Variants in SCLT1 observed in about 807,000 individuals in gnomAD.
SCLT1 encodes the protein sodium channel and clathrin linker 1.
A neutral mutation model predicts 112.8 loss-of-function variants in SCLT1; 78 were observed. That is an observed-to-expected ratio of 0.69 (90% confidence interval 0.58 to 0.83). The LOEUF is 0.83. Among genes scored for constraint, SCLT1 ranks in the 40% least tolerant of loss-of-function variants. SCLT1 has a pLI of 0.00. For synonymous variants in SCLT1, 257 were observed against 254.7 expected, an observed-to-expected ratio of 1.01 and a Z score of -0.09; for missense variants, 747 against 770.4, an observed-to-expected ratio of 0.97 and a Z score of 0.36.
At chr4:128,922,513 A>T (rs1020578476) in intron 18 of SCLT1, among the ~76,000 whole-genome samples, 3 of 152,198 alleles carry the variant, frequency 2.0e-5, no homozygotes, top group Non-Finnish European at 4.4e-5. Context: ...ACACGGATGG[A>T]GTTGGAGGCC....
At chr4:129,026,282 T>C (rs760808942) in intron 5 of SCLT1, among the ~76,000 whole-genome samples, 6 of 152,112 alleles carry the variant, frequency 3.9e-5, no homozygotes, top group Non-Finnish European at 7.3e-5. Flanking sequence ...TATTCCAAAA[T>C]TGACCACATA....
downstream of SCLT1, among the ~76,000 whole-genome samples, chr4:128,880,973 T>C (rs951431092): frequency 6.6e-6 from 1 of 151,974 alleles, no homozygotes; most frequent in Non-Finnish European, 1.5e-5. Flanking sequence ...CACATGTGAG[T>C]GTTTTGTGGT....
chr4:128,959,105 T>C (rs1257191372), intron 12 of SCLT1, among the ~76,000 whole-genome samples: 1 of 152,174 alleles, frequency 6.6e-6, no homozygotes, highest in Non-Finnish European at 1.5e-5. Context: ...CAAGGAACAC[T>C]GTATTTGACA....
intron 2 of SCLT1, among the ~76,000 whole-genome samples, chr4:129,064,021 T>C (rs865914301): frequency 1.2e-4 from 18 of 152,186 alleles, no homozygotes; most frequent in African/African-American, 2.9e-4. Context: ...TATTTTCCAA[T>C]AGTATTCTGG....
rs1255365430 is a variant in SCLT1, at chr4:128,992,246, A to G, written c.616-9T>C. 1.3e-6 allele frequency: 2 copies of G among 1,548,068 alleles called. No individual in the cohort carries two copies. Among genetic ancestry groups the G allele is most frequent in the African/African-American group, 1.4e-5 (1 of 73,358 alleles). On this transcript the variant is annotated splice_polypyrimidine_tract_variant and intron_variant, in intron 8 of 20. Coordinates refer to ENST00000281142, the MANE Select transcript of SCLT1 (RefSeq NM_144643.4). ...AGAAACTGTTGGTTAGTCTGCCACA[A>G]GAAAAAAAAAGAATCAGTATTAGAA... is the stretch of plus-strand genomic sequence containing the variant.
intron 18 of SCLT1, among the ~76,000 whole-genome samples, chr4:128,898,800 G>T (rs1261664866): frequency 1.3e-5 from 2 of 152,082 alleles, no homozygotes; most frequent in East Asian, 3.9e-4. Flanking sequence ...GAAGAAAACA[G>T]AGAAGAATCA....
chr4:128,953,693 G>A (rs1356283718), intron 13 of SCLT1, among the ~76,000 whole-genome samples: 2 of 151,404 alleles, frequency 1.3e-5, no homozygotes, highest in African/African-American at 4.9e-5. Context: ...CAGCTACTCG[G>A]GAGGCTATGG....
chr4:128,898,772 G>C (rs13113810), intron 18 of SCLT1, among the ~76,000 whole-genome samples: 1 of 151,864 alleles, frequency 6.6e-6, no homozygotes, highest in African/African-American at 2.4e-5. Context: ...TTGATAGACC[G>C]CTAGCAAGAC....
chr4:128,890,563 A>C (rs1260432426), intron 19 of SCLT1, among the ~76,000 whole-genome samples: 2 of 152,158 alleles, frequency 1.3e-5, no homozygotes, highest in Non-Finnish European at 2.9e-5. Flanking sequence ...AAATGAAGAG[A>C]TCTAAAAAGC....
chr4:128,997,370 A>G (rs1743099645), intron 8 of SCLT1: 1 of 151,976 alleles, frequency 6.6e-6, no homozygotes, highest in African/African-American at 2.4e-5. Context: ...CCAAGAAAGT[A>G]AAGAAAACAA....
At chr4:128,876,189 T>C (rs1732515664) in intron 4 of SCLT1, among the ~76,000 whole-genome samples, 2 of 152,184 alleles carry the variant, frequency 1.3e-5, no homozygotes, top group South Asian at 4.1e-4. Flanking sequence ...CTTAATCTAA[T>C]TTATAATTTT....
chr4:129,011,431 T>C (rs1273996646), intron 5 of SCLT1, among the ~76,000 whole-genome samples: 1 of 152,202 alleles, frequency 6.6e-6, no homozygotes, highest in African/African-American at 2.4e-5. Flanking sequence ...GTTGGCCTCA[T>C]AAAATGAGTT....
chr4:128,970,591 G>C (rs1740607798), intron 9 of SCLT1, 123 bp from the exon 10 acceptor site: 1 of 626,340 alleles, frequency 1.6e-6, no homozygotes, highest in African/African-American at 1.8e-5. Context: ...TGGATCCATG[G>C]AATAAATTTT....
chr4:129,085,782 A>T (rs1294939598), intron 1 of SCLT1, among the ~76,000 whole-genome samples: 1 of 152,202 alleles, frequency 6.6e-6, no homozygotes, highest in Non-Finnish European at 1.5e-5. Flanking sequence ...CAAGTACGGC[A>T]TGTTCTCAAT....
At chr4:129,003,579 G>T (rs566503742) in intron 6 of SCLT1, among the ~76,000 whole-genome samples, 162 bp downstream of exon 6, 19 of 152,012 alleles carry the variant, frequency 1.2e-4, no homozygotes, top group Admixed American at 9.9e-4. Context: ...AACAGTGAGG[G>T]TATTTATTAC....
intron 2 of SCLT1, among the ~76,000 whole-genome samples, chr4:129,044,745 T>C (rs913581267): frequency 6.9e-6 from 1 of 143,952 alleles, no homozygotes; most frequent in Non-Finnish European, 1.5e-5. Flanking sequence ...GAAGTTCCAA[T>C]AGAATTATTT....
At chr4:128,885,181 T>C (rs1220134371) in intron 20 of SCLT1, among the ~76,000 whole-genome samples, 3 of 152,178 alleles carry the variant, frequency 2.0e-5, no homozygotes, top group Non-Finnish European at 2.9e-5. Flanking sequence ...GATGATAGAT[T>C]ATAACAAGTC....
At chr4:129,000,958 A>C (rs575844597) in intron 6 of SCLT1, among the ~76,000 whole-genome samples, 1 of 152,016 alleles carries the variant, frequency 6.6e-6, no homozygotes, top group South Asian at 2.1e-4. Flanking sequence ...TAAAAAAAAA[A>C]ACAAAAACTG....
chr4:129,036,270 T>C (rs1372877960), intron 5 of SCLT1, among the ~76,000 whole-genome samples: 3 of 152,088 alleles, frequency 2.0e-5, no homozygotes, highest in African/African-American at 7.2e-5. Context: ...GAGACATGAC[T>C]GAATTACCGT....
Sources: gnomAD v4.1 joint callset for allele counts (sites outside exome capture counted in the v4.1 genomes callset) on GRCh38, gnomAD v4.1.1 for gene constraint, MANE v1.5 for transcripts, NCBI Gene and HGNC (gene_info 2026-07-23, HGNC 2026-07-21) for gene names.